Variants in EHBP1 observed in about 807,000 individuals in gnomAD.
EHBP1 encodes the protein EH domain-binding protein 1.
EHBP1 carries 55 observed loss-of-function variants against 144.0 expected under a neutral mutation model. The ratio of observed to expected loss-of-function variants is 0.38; its 90% CI spans 0.31 to 0.48. The LOEUF is 0.48. EHBP1 is among the 20% of genes least tolerant of loss of function. EHBP1 has a pLI of 0.98. For missense variants in EHBP1, 1,200 were observed against 1,364.2 expected, an observed-to-expected ratio of 0.88 and a Z score of 1.90; for synonymous variants, 469 against 472.7, an observed-to-expected ratio of 0.99 and a Z score of 0.10.
intron 5 of EHBP1, among the ~76,000 whole-genome samples, chr2:62,806,553 G>C (rs1221222842): frequency 1.3e-5 from 2 of 151,414 alleles, no homozygotes; most frequent in Non-Finnish European, 2.9e-5. Flanking sequence ...TCATAGAGAG[G>C]GTATCTCTGT....
intron 2 of EHBP1, among the ~76,000 whole-genome samples, chr2:62,744,754 G>A (rs912686150): frequency 1.3e-5 from 2 of 151,952 alleles, no homozygotes; most frequent in Non-Finnish European, 2.9e-5. Context: ...ACTGAGATGC[G>A]TTAAGTGGCA....
At chr2:62,801,369 T>C (rs2152492106) in intron 5 of EHBP1, among the ~76,000 whole-genome samples, 1 of 152,352 alleles carries the variant, frequency 6.6e-6, no homozygotes, top group South Asian at 2.1e-4. Context: ...AACTAACTGA[T>C]ACATTTATAT....
intron 12 of EHBP1, 82 bp downstream of exon 12, chr2:62,943,932 C>A: frequency 9.8e-7 from 1 of 1,023,892 alleles, no homozygotes; most frequent in Non-Finnish European, 1.5e-6. Flanking sequence ...GAAAGTGAGG[C>A]AGTTTTATGA....
intron 14 of EHBP1, among the ~76,000 whole-genome samples, chr2:62,975,887 T>TACACACACACAC (rs57375651): frequency 7.4e-4 from 92 of 123,746 alleles, no homozygotes; most frequent in African/African-American, 2.1e-3. Context: ...TTACTGTATG[T>TACACACACACAC]ACACACACAC....
intron 14 of EHBP1, among the ~76,000 whole-genome samples, chr2:62,970,065 C>T (rs950061210): frequency 6.6e-6 from 1 of 151,294 alleles, no homozygotes; most frequent in Non-Finnish European, 1.5e-5. Flanking sequence ...CTTTGGTAAT[C>T]CTTGCCTCTG....
In EHBP1 at chr2:62,706,951, A is replaced by G; in HGVS notation, c.-241A>G. On this transcript the variant is annotated 5_prime_UTR_variant, in exon 2 of 23. It removes the in-frame stop codon of an upstream open reading frame in the 5' UTR. Transcript: ENST00000431489. ...GAGGTGGCATGGTGATGTCTCCATG[A>G]GGGAACCCCTTCCCACTCATCCTGT... 2 of 459,830 alleles carry G rather than the reference A, an allele frequency of 4.3e-6. No homozygotes were observed. The highest frequency in any genetic ancestry group is 4.9e-5 in the South Asian group (2 of 40,700). The allele number at this position is 459,830 out of a possible 1,614,324, so 28.5% of individuals were successfully genotyped here. A position where few individuals can be genotyped will look rare whatever the true frequency, so the allele number is the denominator to read the frequency against.
rs116572036 is a variant in EHBP1 at position 62,919,451 on chromosome 2, T to C, written c.1186-23267T>C. ...CAGAAAAGACCTGAGATGATTTTAG[T>C]TTGTACCTCAGACTAATCCTCAGTA... On this transcript the variant is annotated intron_variant, in intron 10 of 22. Transcript: ENST00000431489. Among the ~76,000 whole-genome samples, 546 of 152,318 alleles carry C rather than the reference T, an allele frequency of 3.6e-3. 4 individuals are homozygous for C. Among genetic ancestry groups the C allele is most frequent in the African/African-American group, 0.012 (518 of 41,564 alleles).
intron 12 of EHBP1, among the ~76,000 whole-genome samples, chr2:62,946,176 G>A (rs941637214): frequency 2.0e-5 from 3 of 152,084 alleles, no homozygotes; most frequent in Non-Finnish European, 2.9e-5. Context: ...AAATATTGTT[G>A]ATTTTACCTC....
rs964686687 is a variant in EHBP1, at chr2:62,707,360, G to A, written c.104+65G>A. 1.1e-5 allele frequency: 13 copies of A among 1,196,730 alleles called. No individual in the cohort carries two copies. The African/African-American group carries it at 1.9e-4, about 18-fold the overall frequency. The allele number at this position is 1,196,730 out of a possible 1,614,324, so 74.1% of individuals were successfully genotyped here. Reference sequence around the variant, plus strand: ...CTAAGCATACTGTGGCCTAAACTCTGGGTCTTCTGATAGTATATTTACCTT... The same window carrying A: ...CTAAGCATACTGTGGCCTAAACTCTAGGTCTTCTGATAGTATATTTACCTT... On this transcript the variant is annotated intron_variant, in intron 2 of 22. Transcript: ENST00000431489.
intron 11 of EHBP1, among the ~76,000 whole-genome samples, 199 bp from the exon 12 acceptor site, chr2:62,943,603 C>T (rs561147339): frequency 2.6e-5 from 4 of 152,206 alleles, no homozygotes; most frequent in South Asian, 2.1e-4. Context: ...GGCAGCGAAA[C>T]GTGTAATCAC....
chr2:63,029,029 G>C (rs2061112443), intron 19 of EHBP1, among the ~76,000 whole-genome samples: 1 of 151,864 alleles, frequency 6.6e-6, no homozygotes, highest in African/African-American at 2.4e-5. Flanking sequence ...ACTTGTAGAT[G>C]TGTTCTGTTA....
chr2:62,705,610 G>C (rs2034467154), upstream of EHBP1: 2 of 152,234 alleles, frequency 1.3e-5, no homozygotes, highest in South Asian at 2.1e-4. Context: ...CCAATGAGGT[G>C]CCCCAGCCGC....
chr2:62,901,708 TA>T (rs1434597777), intron 10 of EHBP1, among the ~76,000 whole-genome samples: 2 of 151,830 alleles, frequency 1.3e-5, no homozygotes, highest in Admixed American at 6.6e-5. Flanking sequence ...CTCACACCTA[TA>T]ATCCCAGCAC....
At chr2:62,830,472 G>T (rs1346319598) in intron 6 of EHBP1, among the ~76,000 whole-genome samples, 3 of 151,968 alleles carry the variant, frequency 2.0e-5, no homozygotes, top group Non-Finnish European at 4.4e-5. Flanking sequence ...CATGTCTTTA[G>T]CCCACTTTTT....
chr2:62,863,441 CA>C (rs949946271), intron 8 of EHBP1, among the ~76,000 whole-genome samples: 27 of 148,572 alleles, frequency 1.8e-4, no homozygotes, highest in Admixed American at 1.5e-3. Flanking sequence ...AACTGTGTCT[CA>C]AAAAAAAATA....
chr2:62,920,478 G>A (rs1476084026), intron 10 of EHBP1, among the ~76,000 whole-genome samples: 1 of 152,100 alleles, frequency 6.6e-6, no homozygotes, highest in Non-Finnish European at 1.5e-5. Flanking sequence ...AGTGCTAAAT[G>A]GAATCCTAAA....
At chr2:62,916,423 C>T (rs2054621059) in intron 10 of EHBP1, among the ~76,000 whole-genome samples, 1 of 151,636 alleles carries the variant, frequency 6.6e-6, no homozygotes, top group South Asian at 2.1e-4. Flanking sequence ...GAAACTCCAG[C>T]TCTACTAAAA....
At chr2:62,956,095 A>G (rs2057680530) in intron 14 of EHBP1, 1 of 152,630 alleles carries the variant, frequency 6.6e-6, no homozygotes, top group East Asian at 1.9e-4. Context: ...ACTGAGGCCA[A>G]TAGGCAAGGT....
chr2:63,000,939 TATC>T (rs1251011944), intron 19 of EHBP1, among the ~76,000 whole-genome samples: 3 of 152,082 alleles, frequency 2.0e-5, no homozygotes, highest in Non-Finnish European at 4.4e-5. Context: ...TAGTTAGAAA[TATC>T]ATGTATTCCA....
Sources: gnomAD v4.1 joint callset for allele counts (sites outside exome capture counted in the v4.1 genomes callset) on GRCh38, gnomAD v4.1.1 for gene constraint, MANE v1.5 for transcripts, NCBI Gene and HGNC (gene_info 2026-07-23, HGNC 2026-07-21) for gene names.